The following ORC4 variants were observed in gnomAD, a reference collection of about 807,000 sequenced individuals.
ORC4 encodes origin recognition complex, subunit 4 homolog.
ORC4 carries 55 observed loss-of-function variants against 63.9 expected under a neutral mutation model. That is an observed-to-expected ratio of 0.86 (90% confidence interval 0.69 to 1.08). The LOEUF (loss-of-function observed/expected upper bound fraction) is 1.08, where lower values mean the gene tolerates loss of function less well. Ranked by LOEUF, ORC4 falls within the 50% of genes least tolerant of loss-of-function variation. The pLI is 0.00. For synonymous variants in ORC4, 150 were observed against 168.5 expected (o/e 0.89, Z 0.85); for missense variants, 511 against 504.4 (o/e 1.01, Z -0.13).
upstream of ORC4, chr2:148,021,390 C>T (rs1207745843): frequency 2.0e-6 from 1 of 497,382 alleles, no homozygotes; most frequent in Non-Finnish European, 4.0e-6. Context: ...CCACCCTCCT[C>T]CTCTTTGGCC....
intron 2 of ORC4, among the ~76,000 whole-genome samples, chr2:147,975,017 G>C (rs1175058291): frequency 1.3e-5 from 2 of 152,044 alleles, no homozygotes; most frequent in African/African-American, 4.8e-5. Context: ...ACATACAAAG[G>C]TATGTAAAGC....
At chr2:147,938,650 T>C (rs1688195498) in intron 11 of ORC4, 6 of 442,276 alleles carry the variant, frequency 1.4e-5, no homozygotes, top group Non-Finnish European at 2.5e-5. Context: ...GGCGAAATAT[T>C]ATCAGGCACT....
intron 1 of ORC4, among the ~76,000 whole-genome samples, chr2:147,996,132 C>A (rs1044687371): frequency 2.6e-5 from 4 of 152,048 alleles, no homozygotes; most frequent in Admixed American, 2.6e-4. Context: ...GGTGAAACCC[C>A]GTCTCTACTA....
intron 10 of ORC4, among the ~76,000 whole-genome samples, chr2:147,942,038 C>T (rs1688393715): frequency 6.6e-6 from 1 of 152,192 alleles, no homozygotes; most frequent in African/African-American, 2.4e-5. Context: ...TTGTTATCTA[C>T]TAGTAGTGTG....
Position 147,942,897 on chromosome 2 carries a change from G to A in ORC4, c.849+539C>T, listed in dbSNP as rs557920282. 7.9e-5 allele frequency among the ~76,000 whole-genome samples: 12 copies of A among 151,948 alleles called. No individual in the cohort carries two copies. In the South Asian group the frequency reaches 2.5e-3, roughly 32 times the overall value. ...TAAGTGAGTTCAGCATAGACTATAA[G>A]TCAATCACATTTCTATATATTAATG... On this transcript the variant is annotated intron_variant, in intron 10 of 13. Coordinates refer to ENST00000392857, the MANE Select transcript of ORC4 (RefSeq NM_181741.4).
At chr2:147,997,410 C>A (rs1692036555) in intron 1 of ORC4, among the ~76,000 whole-genome samples, 1 of 152,082 alleles carries the variant, frequency 6.6e-6, no homozygotes, top group South Asian at 2.1e-4. Flanking sequence ...AGAAATAAGA[C>A]ATTTCAAGAA....
At position 148,003,059 on chromosome 2, in the gene ORC4, A is replaced by G. The variant is rs1280279577; in HGVS notation, c.-18+17574T>C. 3.3e-5 allele frequency among the ~76,000 whole-genome samples: 5 copies of G among 152,218 alleles called. No individual in the cohort carries two copies. The East Asian group carries it at 9.6e-4, about 29-fold the overall frequency. ...ACAGACACCATCCCAAGACTAAACC[A>G]GGAAGAAGTCGAATCCCTAAATAGA... On this transcript the variant is annotated intron_variant, in intron 1 of 13. Coordinates refer to ENST00000392857, the MANE Select transcript of ORC4 (RefSeq NM_181741.4).
In ORC4 at chr2:147,953,940, T is replaced by C. The variant is rs1689110201; in HGVS notation, c.436+1407A>G. Among the ~76,000 whole-genome samples, 6 of 152,114 alleles carry C rather than the reference T, an allele frequency of 3.9e-5. 1 individual carries two copies. In the South Asian group the frequency reaches 1.0e-3, roughly 26 times the overall value. Reference sequence around the variant, plus strand: ...AGACTTATGTACTAATATAGAATTTTAGTATTTGATAAAATATTGCATTAT... The same window carrying C: ...AGACTTATGTACTAATATAGAATTTCAGTATTTGATAAAATATTGCATTAT... On this transcript the variant is annotated intron_variant, in intron 7 of 13. Coordinates refer to ENST00000392857, the MANE Select transcript of ORC4 (RefSeq NM_181741.4).
At chr2:147,948,321 A>G (rs964237942) in intron 8 of ORC4, 97 bp from the exon 9 acceptor site, 2 of 737,090 alleles carry the variant, frequency 2.7e-6, no homozygotes, top group Non-Finnish European at 2.3e-6. Flanking sequence ...ACTATCACCT[A>G]TAATTAGTAA....
intron 1 of ORC4, among the ~76,000 whole-genome samples, chr2:148,001,251 G>A (rs1692284832): frequency 1.3e-5 from 2 of 152,100 alleles, no homozygotes; most frequent in African/African-American, 4.8e-5. Context: ...AAAAACTTAA[G>A]CATGTGTTCT....
intron 1 of ORC4, among the ~76,000 whole-genome samples, chr2:148,000,691 T>G (rs1692248571): frequency 6.6e-6 from 1 of 152,038 alleles, no homozygotes; most frequent in Non-Finnish European, 1.5e-5. Flanking sequence ...ATAAGAATGC[T>G]CTGGGAGAAA....
chr2:147,944,251 C>T (rs989641151), intron 9 of ORC4, among the ~76,000 whole-genome samples: 1 of 151,884 alleles, frequency 6.6e-6, no homozygotes, highest in African/African-American at 2.4e-5. Context: ...AACAAAATGG[C>T]CTGTGAAAAG....
rs1687837617 is a variant in ORC4 at position 147,932,721 on chromosome 2, CACAGT to C, written c.*2784_*2788del. 1 of 152,164 alleles carries C rather than the reference CACAGT, an allele frequency of 6.6e-6. No individual in the cohort carries two copies. Among genetic ancestry groups the C allele is most frequent in the Non-Finnish European group, 1.5e-5 (1 of 68,060 alleles). The allele number at this position is 152,164 out of a possible 1,614,324, so 9.4% of individuals were successfully genotyped here. ...CCAGAGGCTTGTTGGCATTGTGTCA[CACAGT>C]ACACACCAATGGATTCTCAGATTTT... On this transcript the variant is annotated 3_prime_UTR_variant, in exon 14 of 14. Coordinates refer to ENST00000392857, the MANE Select transcript of ORC4 (RefSeq NM_181741.4).
intron 13 of ORC4, chr2:147,936,219 A>C (rs1420682121): frequency 1.2e-5 from 2 of 161,594 alleles, no homozygotes; most frequent in African/African-American, 4.8e-5. Context: ...TAAGTAAAGG[A>C]TTCAGCAGGC....
Position 147,938,328 on chromosome 2 carries a change from C to T in ORC4, c.1024G>A (p.Glu342Lys), listed in dbSNP as rs1688172038. 2 of 1,607,958 alleles carry T rather than the reference C, an allele frequency of 1.2e-6. No individual in the cohort carries two copies. The highest frequency in any genetic ancestry group is 8.5e-7 in the Non-Finnish European group (1 of 1,175,650). ...MKHLNDIYEEEPFNFQMVYNE... is the reference protein window; with the variant it reads ...MKHLNDIYEEKPFNFQMVYNE... Reference sequence around the variant, plus strand: ...TAGACCATTTGAAAATTAAATGGCTCTTCCTCATAGATGTCATTTAAATGT... The same window carrying T: ...TAGACCATTTGAAAATTAAATGGCTTTTCCTCATAGATGTCATTTAAATGT... The change falls in exon 12 of 14, where the codon GAG (glutamate) becomes AAG (lysine). Residue 342 changes from glutamate (E) to lysine (K), a missense_variant. Coordinates refer to ENST00000392857, the MANE Select transcript of ORC4 (RefSeq NM_181741.4).
intron 1 of ORC4, among the ~76,000 whole-genome samples, chr2:148,007,578 A>G (rs1692711512): frequency 6.6e-6 from 1 of 152,216 alleles, no homozygotes; most frequent in South Asian, 2.1e-4. Flanking sequence ...TCTGGAAAAT[A>G]GCCCCCAAAA....
chr2:147,968,789 A>G, intron 4 of ORC4, among the ~76,000 whole-genome samples: 1 of 152,040 alleles, frequency 6.6e-6, no homozygotes, highest in Middle Eastern at 3.2e-3. Flanking sequence ...GAGAATTTAT[A>G]TAAAGGAACG....
At chr2:147,945,293 CTTTATT>C (rs1688598113) in intron 9 of ORC4, among the ~76,000 whole-genome samples, 1 of 152,024 alleles carries the variant, frequency 6.6e-6, no homozygotes, top group African/African-American at 2.4e-5. Flanking sequence ...TACTTTATCT[CTTTATT>C]TTTTAGTGGT....
intron 1 of ORC4, among the ~76,000 whole-genome samples, chr2:147,999,275 A>G (rs1049289331): frequency 1.3e-5 from 2 of 152,192 alleles, no homozygotes; most frequent in Admixed American, 1.3e-4. Flanking sequence ...GACACAAGAC[A>G]CAGCAGAAGG....
Sources: gnomAD v4.1 joint callset for allele counts (sites outside exome capture counted in the v4.1 genomes callset) on GRCh38, gnomAD v4.1.1 for gene constraint, MANE v1.5 for transcripts, NCBI Gene and HGNC (gene_info 2026-07-23, HGNC 2026-07-21) for gene names.